The following PLEKHA5 variants were observed in gnomAD, a reference collection of about 807,000 sequenced individuals.
PLEKHA5 encodes the protein pleckstrin homology domain containing A5, also known as pleckstrin homology domain-containing family A member 5.
PLEKHA5 carries 55 observed loss-of-function variants against 181.9 expected under a neutral mutation model. That is an observed-to-expected ratio of 0.30 (90% CI 0.24 to 0.38). The LOEUF is 0.38. Ranked by LOEUF, PLEKHA5 falls within the 10% of genes least tolerant of loss-of-function variation. The pLI, the probability that PLEKHA5 is intolerant of heterozygous loss-of-function variation, is 1.00. For synonymous variants in PLEKHA5, 535 were observed against 529.4 expected (o/e 1.01, Z -0.15); for missense variants, 1,432 against 1,549.5 (o/e 0.92, Z 1.27).
At chr12:19,209,604 C>A (rs1011535854) in intron 3 of PLEKHA5, among the ~76,000 whole-genome samples, 1 of 152,116 alleles carries the variant, frequency 6.6e-6, no homozygotes, top group Non-Finnish European at 1.5e-5. Context: ...GGATCAAGAT[C>A]CTGAAGCATT....
At chr12:19,253,590 G>A (rs184517009) in intron 3 of PLEKHA5, among the ~76,000 whole-genome samples, 4 of 151,874 alleles carry the variant, frequency 2.6e-5, no homozygotes, top group Admixed American at 2.6e-4. Flanking sequence ...GCCGAGGCGG[G>A]TGGATCACCT....
chr12:19,363,312 T>C lies in PLEKHA5; in HGVS notation c.3608+1606T>C, dbSNP rs151085371. 6.7e-3 allele frequency among the ~76,000 whole-genome samples: 1,011 copies of C among 151,078 alleles called. 9 individuals carry two copies. Among genetic ancestry groups the C allele is most frequent in the African/African-American group, 0.023 (958 of 41,242 alleles). ...GACTACAGGCGCGTGTCACCACGCATGGCTAATTTTTATTTTTTTATTTTT... is the reference window on the plus strand; with the variant it reads ...GACTACAGGCGCGTGTCACCACGCACGGCTAATTTTTATTTTTTTATTTTT... On this transcript the variant is annotated intron_variant, in intron 29 of 31. Transcript: ENST00000429027.
At chr12:19,137,743 T>G (rs1403318365) in intron 3 of PLEKHA5, among the ~76,000 whole-genome samples, 1 of 152,174 alleles carries the variant, frequency 6.6e-6, no homozygotes, top group Admixed American at 6.5e-5. Flanking sequence ...TGTGGAATTC[T>G]TTTATTTTTA....
intron 3 of PLEKHA5, among the ~76,000 whole-genome samples, chr12:19,140,935 G>T (rs1032344377): frequency 6.6e-6 from 1 of 152,044 alleles, no homozygotes; most frequent in Non-Finnish European, 1.5e-5. Context: ...ATTACAGGTG[G>T]CCCGCCACTA....
intron 3 of PLEKHA5, chr12:19,151,874 T>A (rs2040474760): frequency 6.7e-6 from 1 of 149,092 alleles, no homozygotes; most frequent in Non-Finnish European, 1.5e-5. Context: ...CTTTTTTTTT[T>A]TTTTTTTTTT....
intron 3 of PLEKHA5, among the ~76,000 whole-genome samples, chr12:19,217,357 A>G (rs894920688): frequency 6.6e-5 from 10 of 152,228 alleles, no homozygotes; most frequent in African/African-American, 1.9e-4. Context: ...CCAGAATTGC[A>G]GAAATATTTA....
chr12:19,335,414 CTTTA>C (rs1417449672), intron 20 of PLEKHA5, among the ~76,000 whole-genome samples: 3 of 149,388 alleles, frequency 2.0e-5, no homozygotes, highest in African/African-American at 4.9e-5. Context: ...TTTTCTTTTA[CTTTA>C]TTTATTTTTT....
At chr12:19,347,461 G>A (rs758503960) in intron 24 of PLEKHA5, among the ~76,000 whole-genome samples, 7 of 151,724 alleles carry the variant, frequency 4.6e-5, no homozygotes, top group South Asian at 2.1e-4. Flanking sequence ...TGAAGCAGCC[G>A]TATTTTAGAT....
intron 8 of PLEKHA5, among the ~76,000 whole-genome samples, chr12:19,267,674 A>C (rs4963552): frequency 0.86 from 127,922 of 148,160 alleles, 56,473 homozygotes; most frequent in Middle Eastern, 0.97. Context: ...CCAACCCCCC[A>C]AAAAAATAGC....
At chr12:19,306,665 C>T (rs1299701438) in intron 15 of PLEKHA5, 19 of 1,451,380 alleles carry the variant, frequency 1.3e-5, no homozygotes, top group Non-Finnish European at 1.7e-5. Context: ...CTGATCTCCC[C>T]GGGCGCTAGC....
intron 7 of PLEKHA5, among the ~76,000 whole-genome samples, chr12:19,263,701 G>T (rs1008108886): frequency 6.6e-6 from 1 of 152,140 alleles, no homozygotes; most frequent in Non-Finnish European, 1.5e-5. Flanking sequence ...TACGGCTCTT[G>T]TCCCAGCTCA....
At chr12:19,286,882 CTT>C in intron 12 of PLEKHA5, among the ~76,000 whole-genome samples, 1 of 150,122 alleles carries the variant, frequency 6.7e-6, no homozygotes, top group East Asian at 2.0e-4. Context: ...AGGAGGATCT[CTT>C]GAACCCAGGA....
At chr12:19,314,973 T>G in intron 16 of PLEKHA5, 79 bp downstream of exon 16, 1 of 769,990 alleles carries the variant, frequency 1.3e-6, no homozygotes, top group East Asian at 2.7e-5. Flanking sequence ...ATTCTCAGAT[T>G]TACTCATGAC....
intron 3 of PLEKHA5, among the ~76,000 whole-genome samples, chr12:19,222,563 C>T (rs2059121222): frequency 6.6e-6 from 1 of 151,824 alleles, no homozygotes; most frequent in Non-Finnish European, 1.5e-5. Flanking sequence ...TTGAAATGGC[C>T]TATAATAAAA....
In PLEKHA5 at chr12:19,283,319, TCA is replaced by T; in HGVS notation, c.1356_1357del (p.His452GlnfsTer10). 6.2e-7 allele frequency: 1 copy of T among 1,613,276 alleles called. No individual in the cohort carries two copies. Among genetic ancestry groups the T allele is most frequent in the Non-Finnish European group, 8.5e-7 (1 of 1,179,744 alleles). On this transcript the variant is annotated frameshift_variant, in exon 12 of 32. Coordinates refer to ENST00000429027, the MANE Select transcript of PLEKHA5 (RefSeq NM_001256470.2). LOFTEE classifies it high-confidence loss of function. ...AAACATTACCAAGAAATATGCCAAG[TCA>T]CAGAGCCCAGATTATGGCCCGCTAC... ...YQTLPRNMPS[H>X]RAQIMARYPE...
intron 8 of PLEKHA5, among the ~76,000 whole-genome samples, chr12:19,268,096 G>A (rs2071148970): frequency 1.3e-5 from 2 of 152,152 alleles, no homozygotes; most frequent in Non-Finnish European, 2.9e-5. Flanking sequence ...GATAAGAGGG[G>A]AGTATCTTCA....
intron 3 of PLEKHA5, among the ~76,000 whole-genome samples, chr12:19,195,881 A>G (rs923498821): frequency 1.3e-5 from 2 of 152,134 alleles, no homozygotes; most frequent in African/African-American, 2.4e-5. Flanking sequence ...GATGTGTTCC[A>G]TACTACAGAT....
chr12:19,371,217 G>C (rs889021101), intron 31 of PLEKHA5: 16 of 152,274 alleles, frequency 1.1e-4, no homozygotes, highest in African/African-American at 3.9e-4. Context: ...ATGTTGCCCA[G>C]GCTGATCTCA....
chr12:19,249,122 C>T (rs1032722023), intron 3 of PLEKHA5, among the ~76,000 whole-genome samples: 4 of 152,076 alleles, frequency 2.6e-5, no homozygotes, highest in Non-Finnish European at 5.9e-5. Context: ...CACTTGAGCC[C>T]AGGAGTTTGA....
Sources: gnomAD v4.1 joint callset for allele counts (sites outside exome capture counted in the v4.1 genomes callset) on GRCh38, gnomAD v4.1.1 for gene constraint, MANE v1.5 for transcripts, NCBI Gene and HGNC (gene_info 2026-07-23, HGNC 2026-07-21) for gene names.